TICRR: variants seen among roughly 807,000 people sequenced by gnomAD.
TICRR encodes treslin.
Under a neutral mutation model 178.1 loss-of-function variants are expected in TICRR, and 132 were observed. That is an observed-to-expected ratio of 0.74 (90% CI 0.64 to 0.86). TICRR has a LOEUF of 0.86. Ranked by LOEUF, TICRR falls within the 40% of genes least tolerant of loss-of-function variation. The pLI is 0.00. For missense variants in TICRR, 2,587 were observed against 2,334.3 expected, an observed-to-expected ratio of 1.11 and a Z score of -2.23; for synonymous variants, 991 against 900.7, an observed-to-expected ratio of 1.10 and a Z score of -1.79.
In TICRR at chr15:89,584,519, T is replaced by A; in HGVS notation, c.1168T>A (p.Leu390Ile). 1 of 1,570,694 alleles carries A rather than the reference T, an allele frequency of 6.4e-7. No individual in the cohort carries two copies. Among genetic ancestry groups the A allele is most frequent in the Non-Finnish European group, 8.6e-7 (1 of 1,156,992 alleles). The change falls in exon 3 of 22, where the codon TTA becomes ATA. Residue 390 changes from leucine to isoleucine, a missense_variant. Coordinates refer to ENST00000268138, the MANE Select transcript of TICRR (RefSeq NM_152259.4). ...GGTAAGCAGGCTGACTGCTGAAGAGTTACACCTGGTAGGTATCCTCCACAC... is the reference window on the plus strand; with the variant it reads ...GGTAAGCAGGCTGACTGCTGAAGAGATACACCTGGTAGGTATCCTCCACAC... ...QLVSRLTAEELHLVADVDPGE... is the reference protein window; with the variant it reads ...QLVSRLTAEEIHLVADVDPGE...
intron 18 of TICRR, among the ~76,000 whole-genome samples, 197 bp downstream of exon 18, chr15:89,620,039 A>G (rs180752671): frequency 6.6e-6 from 1 of 152,306 alleles, no homozygotes; most frequent in East Asian, 1.9e-4. Flanking sequence ...GACTCCTACA[A>G]CTGGTCATCC....
chr15:89,593,945 C>G (rs1468262450), intron 5 of TICRR, among the ~76,000 whole-genome samples: 3 of 152,158 alleles, frequency 2.0e-5, no homozygotes, highest in African/African-American at 7.2e-5. Flanking sequence ...AATAACTAAT[C>G]ACCCCTCCTG....
intron 9 of TICRR, 75 bp from the exon 10 acceptor site, chr15:89,601,223 A>G: frequency 7.7e-7 from 1 of 1,303,626 alleles, no homozygotes; most frequent in East Asian, 2.3e-5. Flanking sequence ...ATATAAATAG[A>G]TCTATGCTTA....
At chr15:89,610,074 C>T (rs368231077) in intron 15 of TICRR, among the ~76,000 whole-genome samples, 1 of 152,112 alleles carries the variant, frequency 6.6e-6, no homozygotes, top group Non-Finnish European at 1.5e-5. Context: ...ATTCTAGTTT[C>T]ATTCTATTGT....
chr15:89,581,713 G>C (rs1962729282), intron 1 of TICRR, among the ~76,000 whole-genome samples: 1 of 152,176 alleles, frequency 6.6e-6, no homozygotes, highest in Admixed American at 6.5e-5. Flanking sequence ...GAAGGGCTTT[G>C]TGATTATGCT....
At chr15:89,593,513 G>A (rs2141959698) in intron 5 of TICRR, among the ~76,000 whole-genome samples, 1 of 152,236 alleles carries the variant, frequency 6.6e-6, no homozygotes, top group South Asian at 2.1e-4. Flanking sequence ...AGACCAGCCT[G>A]ACCAACATGG....
In TICRR at chr15:89,625,448, T is replaced by TGTCACTGCTTGA; in HGVS notation, c.5143_5154dup (p.Leu1715_Ser1718dup). On this transcript the variant is annotated inframe_insertion, in exon 20 of 22. Coordinates refer to ENST00000268138, the MANE Select transcript of TICRR (RefSeq NM_152259.4). ...GTCGGTGCAGACCTTCCTGGGAGCC[T>TGTCACTGCTTGA]GTCACTGCTTGAGTCAGAGGGCAAG... 3.1e-6 allele frequency: 5 copies of TGTCACTGCTTGA among 1,613,958 alleles called. No individual in the cohort carries two copies. Among genetic ancestry groups the TGTCACTGCTTGA allele is most frequent in the Non-Finnish European group, 4.2e-6 (5 of 1,180,010 alleles).
chr15:89,576,856 TATATACAC>T (rs1392989035), intron 1 of TICRR, among the ~76,000 whole-genome samples: 4 of 115,002 alleles, frequency 3.5e-5, no homozygotes, highest in African/African-American at 1.4e-4. Context: ...TATATATATA[TATATACAC>T]ACACACACAT....
Position 89,619,812 on chromosome 15 carries a change from A to G in TICRR, c.3124A>G (p.Arg1042Gly), listed in dbSNP as rs562819370. The change falls in exon 18 of 22, where the codon AGA becomes GGA. Residue 1042 changes from arginine to glycine, a missense_variant. Physicochemically the swap from Arg to Gly is moderately radical, Grantham distance 125. Coordinates refer to ENST00000268138, the MANE Select transcript of TICRR (RefSeq NM_152259.4). ...VSQPKSRSVQ[R>G]VHSFQQDKSD... ...TCAGCCGAAGTCTCGAAGTGTGCAA[A>G]GAGTCCACTCTTTCCAGCAAGATAA... The G allele has an allele frequency of 6.2e-7, 1 of 1,613,680 alleles. No individual in the cohort carries two copies. Among genetic ancestry groups the G allele is most frequent in the South Asian group, 1.1e-5 (1 of 90,946 alleles).
chr15:89,626,547 C>T (rs898311695), intron 21 of TICRR, among the ~76,000 whole-genome samples: 1 of 152,156 alleles, frequency 6.6e-6, no homozygotes, highest in Non-Finnish European at 1.5e-5. Context: ...CTGTTAACTG[C>T]CCTGGTTAGC....
In TICRR at chr15:89,599,411, G is replaced by A. The variant is rs754938454; in HGVS notation, c.1988G>A (p.Cys663Tyr). The part of the protein sequence containing the change: ...VATGEIMLYA[C>Y]ARNMISTVKM... ...ACAGGAGAAATCATGTTGTATGCAT[G>A]TGCTCGAAACATGATCTCAACCGTT... is the stretch of plus-strand genomic sequence containing the variant. Residue 663 changes from cysteine to tyrosine, a missense_variant, in exon 8 of 22, where the codon TGT (cysteine) becomes TAT (tyrosine). Physicochemically the swap from Cys to Tyr is radical, Grantham distance 194 (BLOSUM62 -2). Transcript: ENST00000268138. 1.9e-6 allele frequency: 3 copies of A among 1,613,696 alleles called. No individual in the cohort carries two copies. Among genetic ancestry groups the A allele is most frequent in the Non-Finnish European group, 2.5e-6 (3 of 1,179,912 alleles).
At chr15:89,577,097 T>C (rs899400346) in intron 1 of TICRR, among the ~76,000 whole-genome samples, 55 of 151,780 alleles carry the variant, frequency 3.6e-4, no homozygotes, top group Admixed American at 6.6e-4. Flanking sequence ...GGTTCCATGC[T>C]GCCCAGGCTG....
At chr15:89,594,619 G>A in intron 6 of TICRR, 65 bp downstream of exon 6, 6 of 1,370,940 alleles carry the variant, frequency 4.4e-6, no homozygotes, top group East Asian at 2.5e-5. Context: ...TTAAAAGATG[G>A]GCATTTCCTG....
intron 15 of TICRR, among the ~76,000 whole-genome samples, 179 bp downstream of exon 15, chr15:89,609,128 T>TTTG (rs1963218852): frequency 1.1e-5 from 1 of 87,480 alleles, no homozygotes. Context: ...TTTTTTTTTT[T>TTTG]GAGACAGGTT....
chr15:89,606,868 C>A (rs372133763), intron 14 of TICRR, 43 bp downstream of exon 14: 12 of 1,545,980 alleles, frequency 7.8e-6, no homozygotes, highest in Middle Eastern at 3.4e-4. Flanking sequence ...ACTAGCATGA[C>A]AACTTTATTT....
intron 9 of TICRR, among the ~76,000 whole-genome samples, chr15:89,601,048 GAAAAA>G (rs71151515): frequency 1.2e-3 from 91 of 74,814 alleles, no homozygotes; most frequent in African/African-American, 4.3e-3. Flanking sequence ...CCTGTCTCAG[GAAAAA>G]AAAAAAAAAA....
intron 13 of TICRR, 49 bp from the exon 14 acceptor site, chr15:89,606,719 T>C: frequency 6.9e-7 from 1 of 1,455,012 alleles, no homozygotes; most frequent in East Asian, 2.3e-5. Flanking sequence ...TTCTTTTATT[T>C]CAATGAATGC....
chr15:89,595,324 TA>T, intron 6 of TICRR, 68 bp from the exon 7 acceptor site: 1 of 1,084,286 alleles, frequency 9.2e-7, no homozygotes, highest in Non-Finnish European at 1.4e-6. Flanking sequence ...TAATCTGAAT[TA>T]AAGTAGTTCT....
At position 89,624,784 on chromosome 15, in the gene TICRR, A is replaced by C; in HGVS notation, c.4474A>C (p.Arg1492=). 1 of 1,614,230 alleles carries C rather than the reference A, an allele frequency of 6.2e-7. No homozygotes were observed. The highest frequency in any genetic ancestry group is 8.5e-7 in the Non-Finnish European group (1 of 1,180,038). ...ATCAGTGGAAGAGGGTGAGGGGCTA[A>C]GGACAGCAGATGCTGAGAAGTCTTC... ...VLSVEEGEGL[R]TADAEKSSLS... Residue 1492 remains arginine (R), a synonymous_variant, in exon 20 of 22, where the codon AGG becomes CGG. Transcript: ENST00000268138.
Sources: allele counts gnomAD v4.1 joint callset (sites outside exome capture counted in the v4.1 genomes callset), GRCh38; gene constraint gnomAD v4.1.1; transcripts MANE v1.5; gene names NCBI Gene and HGNC (gene_info 2026-07-23, HGNC 2026-07-21).